Variants in CEACAM21 observed in about 807,000 individuals in gnomAD.
CEACAM21 encodes cell adhesion molecule CEACAM21.
Under a neutral mutation model 33.2 loss-of-function variants are expected in CEACAM21, and 38 were observed. That is an observed-to-expected ratio of 1.14 (90% CI 0.88 to 1.50). The LOEUF (loss-of-function observed/expected upper bound fraction) is 1.50. Ranked by LOEUF, CEACAM21 falls within the 40% of genes most tolerant of loss-of-function variation. The pLI, the probability that CEACAM21 is intolerant of heterozygous loss-of-function variation, is 0.00. For synonymous variants in CEACAM21, 156 were observed against 143.0 expected (o/e 1.09, Z -0.65); for missense variants, 385 against 364.6 (o/e 1.06, Z -0.46).
At chr19:41,560,845 C>T (rs1414432104) in intron 1 of CEACAM21, among the ~76,000 whole-genome samples, 1 of 152,090 alleles carries the variant, frequency 6.6e-6, no homozygotes, top group Non-Finnish European at 1.5e-5. Flanking sequence ...TAAAAAAGAG[C>T]GTCTACAAAA....
At chr19:41,579,332 T>A (rs1555792383) in intron 2 of CEACAM21, 21 bp from the exon 3 acceptor site, 2 of 1,613,994 alleles carry the variant, frequency 1.2e-6, no homozygotes, top group Admixed American at 3.3e-5. Flanking sequence ...AGACACTTTC[T>A]GTTGGTCACT....
In CEACAM21 at chr19:41,576,305, G is replaced by C; in HGVS notation, c.31G>C (p.Glu11Gln). 1 of 1,613,182 alleles carries C rather than the reference G, an allele frequency of 6.2e-7. No individual in the cohort carries two copies. The highest frequency in any genetic ancestry group is 8.5e-7 in the Non-Finnish European group (1 of 1,179,450). Residue 11 changes from glutamate to glutamine, a missense_variant, in exon 1 of 7, where the codon GAA becomes CAA. By Grantham distance (29) the Glu-to-Gln change is conservative (BLOSUM62 2). Transcript: ENST00000401445. ...GCCCCCCTCAGCTTGTCCCCACAGA[G>C]AATGCATCCCCTGGCAGGGGCTCTT... MGPPSACPHR[E>Q]CIPWQGLLLT...
upstream of CEACAM21, among the ~76,000 whole-genome samples, chr19:41,574,805 A>G (rs1419964221): frequency 6.6e-6 from 1 of 152,232 alleles, no homozygotes; most frequent in Non-Finnish European, 1.5e-5. Context: ...TTAAACATAG[A>G]ACTACCACAT....
chr19:41,577,378 A>T lies in CEACAM21; in HGVS notation c.243A>T (p.Ala81=). Residue 81 remains alanine (A), a synonymous_variant, in exon 2 of 7, where the codon GCA becomes GCT. Coordinates refer to ENST00000401445, the MANE Select transcript of CEACAM21 (RefSeq NM_001098506.4). ...TGGAGCCCAACCAGCTAATCGCAGC[A>T]TATGTAATAGACACTCACGTTAGGA... ...KTVEPNQLIA[A]YVIDTHVRTP... 1 of 1,612,858 alleles carries T rather than the reference A, an allele frequency of 6.2e-7. No individual in the cohort carries two copies. The highest frequency in any genetic ancestry group is 8.5e-7 in the Non-Finnish European group (1 of 1,179,982).
Position 41,576,268 on chromosome 19 carries a change from A to G in CEACAM21, c.-7A>G, listed in dbSNP as rs782133659. 6.2e-7 allele frequency: 1 copy of G among 1,613,890 alleles called. No homozygotes were observed. The highest frequency in any genetic ancestry group is 8.5e-7 in the Non-Finnish European group (1 of 1,179,840). On this transcript the variant is annotated 5_prime_UTR_variant, in exon 1 of 7. Transcript: ENST00000401445. ...CACAGAGGAGGACAGAGCAGGCAGC[A>G]GAGACCATGGGGCCCCCCTCAGCTT... is the stretch of plus-strand genomic sequence containing the variant.
chr19:41,576,622 G>A (rs2042965895), intron 1 of CEACAM21, among the ~76,000 whole-genome samples: 1 of 152,208 alleles, frequency 6.6e-6, no homozygotes, highest in South Asian at 2.1e-4. Flanking sequence ...AACACCACCA[G>A]GGCATGAAAC....
intron 1 of CEACAM21, among the ~76,000 whole-genome samples, chr19:41,552,638 C>A (rs1239690535): frequency 2.6e-5 from 4 of 152,142 alleles, no homozygotes; most frequent in Non-Finnish European, 4.4e-5. Context: ...TTATTTATCA[C>A]AAGAATCATA....
At chr19:41,554,473 T>C (rs1555785094) in intron 1 of CEACAM21, among the ~76,000 whole-genome samples, 1 of 152,030 alleles carries the variant, frequency 6.6e-6, no homozygotes, top group African/African-American at 2.4e-5. Flanking sequence ...AGCAGAATTA[T>C]AGGAGTCTCC....
upstream of CEACAM21, among the ~76,000 whole-genome samples, chr19:41,574,657 G>A (rs186401174): frequency 1.6e-3 from 248 of 152,230 alleles, no homozygotes; most frequent in Non-Finnish European, 3.0e-3. Flanking sequence ...ACACCTACTA[G>A]AATGGCTATA....
intron 1 of CEACAM21, among the ~76,000 whole-genome samples, chr19:41,558,959 T>C (rs2041707289): frequency 6.6e-6 from 1 of 152,250 alleles, no homozygotes; most frequent in African/African-American, 2.4e-5. Flanking sequence ...ATGTATTCAT[T>C]GGTTTGGCAT....
At chr19:41,580,983 T>C (rs2043332881) in intron 3 of CEACAM21, among the ~76,000 whole-genome samples, 1 of 152,208 alleles carries the variant, frequency 6.6e-6, no homozygotes. Flanking sequence ...GACATCACTT[T>C]GAAGATTCTA....
chr19:41,585,387 C>T (rs1279154884), intron 4 of CEACAM21, 56 bp from the exon 5 acceptor site: 3 of 1,586,638 alleles, frequency 1.9e-6, no homozygotes, highest in Non-Finnish European at 2.6e-6. Context: ...CCTATTTTAA[C>T]TCCAATTTGT....
At chr19:41,557,461 T>C (rs782141772) in intron 1 of CEACAM21, among the ~76,000 whole-genome samples, 3 of 152,148 alleles carry the variant, frequency 2.0e-5, no homozygotes, top group Non-Finnish European at 2.9e-5. Context: ...TCAATTGTGA[T>C]GTGGGGTCCT....
In CEACAM21 at chr19:41,556,875, C is replaced by T. The variant is rs547498786; in HGVS notation, c.-779+7323C>T. On this transcript the variant is annotated intron_variant, in intron 1 of 7. Transcript: ENST00000407170. Reference sequence around the variant, plus strand: ...GGATTTTTAATGCAAGCCATGAAATCGTTACATATCTCCTTTGAAATTTGA... The same window carrying T: ...GGATTTTTAATGCAAGCCATGAAATTGTTACATATCTCCTTTGAAATTTGA... Among the ~76,000 whole-genome samples, 145 of 152,224 alleles carry T rather than the reference C, an allele frequency of 9.5e-4. 1 individual carries two copies. The highest frequency in any genetic ancestry group is 3.3e-3 in the African/African-American group (136 of 41,524).
At chr19:41,576,076 C>T, upstream of CEACAM21, 1 of 615,350 alleles carries the variant, frequency 1.6e-6, no homozygotes, top group Non-Finnish European at 2.9e-6. Flanking sequence ...GGAGGCAGGA[C>T]TGAGAGGGGA....
In CEACAM21 at chr19:41,585,499, A is replaced by T. The variant is rs1555795067; in HGVS notation, c.850+4A>T. The T allele has an allele frequency of 4.3e-6, 7 of 1,613,722 alleles. No homozygotes were observed. The highest frequency in any genetic ancestry group is 5.9e-6 in the Non-Finnish European group (7 of 1,179,744). Reference sequence around the variant, plus strand: ...CAGCCCCCAGCCTCCACCCCCGGTGAGTGTCCCTTCAGTCTGGGTGTGGCT... The same window carrying T: ...CAGCCCCCAGCCTCCACCCCCGGTGTGTGTCCCTTCAGTCTGGGTGTGGCT... On this transcript the variant is annotated splice_donor_region_variant and intron_variant, in intron 5 of 6. Coordinates refer to ENST00000401445, the MANE Select transcript of CEACAM21 (RefSeq NM_001098506.4).
At chr19:41,568,634 C>T (rs1328681226) in intron 2 of CEACAM21, among the ~76,000 whole-genome samples, 1 of 152,164 alleles carries the variant, frequency 6.6e-6, no homozygotes, top group Non-Finnish European at 1.5e-5. Context: ...TATTCTGTTT[C>T]ATTGATCTAT....
intron 2 of CEACAM21, among the ~76,000 whole-genome samples, chr19:41,569,358 T>C (rs190445908): frequency 2.4e-4 from 36 of 152,146 alleles, no homozygotes; most frequent in Admixed American, 2.3e-3. Flanking sequence ...GGACTACAGG[T>C]GTATGCCACC....
At chr19:41,567,330 G>A (rs555991891) in intron 2 of CEACAM21, among the ~76,000 whole-genome samples, 4 of 152,288 alleles carry the variant, frequency 2.6e-5, no homozygotes, top group South Asian at 2.1e-4. Flanking sequence ...AAGGTAGTTC[G>A]ATAGCAGTCA....
Sources: gnomAD v4.1 joint callset for allele counts (sites outside exome capture counted in the v4.1 genomes callset) on GRCh38, gnomAD v4.1.1 for gene constraint, MANE v1.5 for transcripts, NCBI Gene and HGNC (gene_info 2026-07-23, HGNC 2026-07-21) for gene names.